ADAM12: variants seen among roughly 807,000 people sequenced by gnomAD.
ADAM12 encodes disintegrin and metalloproteinase domain-containing protein 12.
ADAM12 carries 70 observed loss-of-function variants against 106.4 expected under a neutral mutation model. The observed-to-expected ratio is 0.66, with a 90% CI of 0.54 to 0.80. The LOEUF is 0.80. Among genes scored for constraint, ADAM12 ranks in the 30% least tolerant of loss-of-function variants. The probability of loss-of-function intolerance (pLI) is 0.00; values close to 1 mark genes in which losing one functional copy is unlikely to be tolerated. For missense variants in ADAM12, 1,010 were observed against 1,171.9 expected, an observed-to-expected ratio of 0.86 and a Z score of 2.02; for synonymous variants, 420 against 433.5, an observed-to-expected ratio of 0.97 and a Z score of 0.39.
At chr10:126,095,673 A>G (rs563325799) in intron 10 of ADAM12, among the ~76,000 whole-genome samples, 66 of 152,092 alleles carry the variant, frequency 4.3e-4, no homozygotes, top group African/African-American at 1.5e-3. Flanking sequence ...TATAAGAAGA[A>G]GAGGGACCTG....
At chr10:126,024,779 A>G (rs1348150136) in intron 21 of ADAM12, among the ~76,000 whole-genome samples, 2 of 152,128 alleles carry the variant, frequency 1.3e-5, no homozygotes, top group African/African-American at 4.8e-5. Context: ...CTAGGTGGTC[A>G]TCTAGAAAAA....
intron 14 of ADAM12, among the ~76,000 whole-genome samples, chr10:126,062,564 A>G (rs1285298244): frequency 2.0e-5 from 3 of 152,160 alleles, no homozygotes; most frequent in East Asian, 1.9e-4. Flanking sequence ...TCAGGCAGCT[A>G]CAGAAGGACT....
chr10:126,063,126 G>T (rs375504910), intron 14 of ADAM12, among the ~76,000 whole-genome samples: 9 of 152,310 alleles, frequency 5.9e-5, no homozygotes, highest in African/African-American at 2.2e-4. Flanking sequence ...GGCTGCTCAG[G>T]GTCCAAGGAT....
chr10:126,082,678 T>C (rs1287359108), intron 11 of ADAM12, among the ~76,000 whole-genome samples: 3 of 152,170 alleles, frequency 2.0e-5, no homozygotes, highest in Non-Finnish European at 4.4e-5. Flanking sequence ...CCACAACTTT[T>C]ATCATTCATT....
chr10:126,200,210 G>A (rs1464249513), intron 3 of ADAM12, among the ~76,000 whole-genome samples: 2 of 152,166 alleles, frequency 1.3e-5, no homozygotes, highest in African/African-American at 2.4e-5. Flanking sequence ...GGGACTGGAT[G>A]GTCTGAGGGC....
chr10:126,200,715 T>A (rs758062176), intron 3 of ADAM12, among the ~76,000 whole-genome samples: 12 of 152,334 alleles, frequency 7.9e-5, no homozygotes, highest in Middle Eastern at 3.4e-3. Flanking sequence ...AAGCACCAGA[T>A]GAGAAGCTCT....
In ADAM12 at chr10:126,158,350, ATGAGGGATG is replaced by A. The variant is rs1565102405; in HGVS notation, c.261-3054_261-3046del. Among the ~76,000 whole-genome samples the A allele has an allele frequency of 2.6e-3, 380 of 146,362 alleles. 1 individual carries two copies. Among genetic ancestry groups the A allele is most frequent in the South Asian group, 3.6e-3 (16 of 4,406 alleles). On this transcript the variant is annotated intron_variant, in intron 3 of 22. Coordinates refer to ENST00000448723, the MANE Select transcript of ADAM12 (RefSeq NM_001288973.2). ...GCATGGAGGGGAGGATGCACAGAGCATGAGGGATGCACAGAGCATGGGAAGATGCACAGA... is the reference window on the plus strand; with the variant it reads ...GCATGGAGGGGAGGATGCACAGAGCACACAGAGCATGGGAAGATGCACAGA...
In ADAM12 at chr10:126,091,238, CAT is replaced by C. The variant is rs758041001; in HGVS notation, c.1145+2745_1145+2746del. Among the ~76,000 whole-genome samples the C allele has an allele frequency of 1.6e-4, 24 of 152,350 alleles. 1 individual carries two copies. The highest frequency in any genetic ancestry group is 1.0e-3 in the Admixed American group (16 of 15,298). ...TGTGGAATGATTTACAATTTACAGACATGTGATCTCATTGAGTCCATTCTCCC... is the reference window on the plus strand; with the variant it reads ...TGTGGAATGATTTACAATTTACAGACGTGATCTCATTGAGTCCATTCTCCC... On this transcript the variant is annotated intron_variant, in intron 11 of 22. Transcript: ENST00000448723.
intron 6 of ADAM12, among the ~76,000 whole-genome samples, chr10:126,114,635 A>G (rs1035520773): frequency 6.6e-6 from 1 of 152,112 alleles, no homozygotes; most frequent in African/African-American, 2.4e-5. Flanking sequence ...GCCTGCCACT[A>G]CGCCCTGCTA....
intron 2 of ADAM12, among the ~76,000 whole-genome samples, chr10:126,287,776 G>T (rs1435947293): frequency 6.6e-6 from 1 of 151,996 alleles, no homozygotes; most frequent in Admixed American, 6.6e-5. Flanking sequence ...GGGGTTGTTG[G>T]TTCTCACACA....
intron 1 of ADAM12, among the ~76,000 whole-genome samples, chr10:126,371,523 A>C (rs187305725): frequency 4.6e-5 from 7 of 152,330 alleles, no homozygotes; most frequent in Admixed American, 4.6e-4. Context: ...TAAATTGGGA[A>C]AACACCACCA....
intron 1 of ADAM12, among the ~76,000 whole-genome samples, chr10:126,354,048 T>TTTA (rs397795200): frequency 6.6e-6 from 1 of 150,602 alleles, no homozygotes; most frequent in African/African-American, 2.4e-5. Context: ...TTTTTTTTTT[T>TTTA]AAAGAAAAAG....
chr10:126,284,298 A>T (rs1261354504), intron 2 of ADAM12, among the ~76,000 whole-genome samples: 1 of 134,484 alleles, frequency 7.4e-6, no homozygotes, highest in South Asian at 2.4e-4. Flanking sequence ...ACGTCACTGC[A>T]CTCCAGCCTG....
intron 1 of ADAM12, among the ~76,000 whole-genome samples, chr10:126,351,333 A>T (rs1185670263): frequency 6.6e-6 from 1 of 152,104 alleles, no homozygotes; most frequent in Non-Finnish European, 1.5e-5. Flanking sequence ...TATCCAAATC[A>T]AGAGGGTTCC....
chr10:126,312,200 T>C (rs551693954), intron 2 of ADAM12, among the ~76,000 whole-genome samples: 61 of 151,418 alleles, frequency 4.0e-4, no homozygotes, highest in Non-Finnish European at 6.9e-4. Flanking sequence ...AGACCACGGT[T>C]TGCATTTTCT....
intron 3 of ADAM12, among the ~76,000 whole-genome samples, chr10:126,262,864 G>A (rs879280465): frequency 6.6e-6 from 1 of 152,152 alleles, no homozygotes; most frequent in Non-Finnish European, 1.5e-5. Context: ...CCACAGGTGG[G>A]GTACTCCATG....
chr10:126,207,378 T>C (rs376266884), intron 3 of ADAM12, among the ~76,000 whole-genome samples: 1 of 152,246 alleles, frequency 6.6e-6, no homozygotes, highest in East Asian at 1.9e-4. Flanking sequence ...TCTTTTCTTA[T>C]AATCTTAGCT....
At chr10:126,231,187 A>G (rs778193124) in intron 3 of ADAM12, among the ~76,000 whole-genome samples, 3 of 152,188 alleles carry the variant, frequency 2.0e-5, no homozygotes, top group Non-Finnish European at 4.4e-5. Context: ...TCTTCAATCT[A>G]CTAGAGGCCG....
intron 3 of ADAM12, among the ~76,000 whole-genome samples, chr10:126,245,462 G>A (rs1958610582): frequency 6.6e-6 from 1 of 152,212 alleles, no homozygotes; most frequent in Admixed American, 6.5e-5. Flanking sequence ...CCCAGTTGGA[G>A]AGGATGGCTT....
Sources: allele counts gnomAD v4.1 joint callset (sites outside exome capture counted in the v4.1 genomes callset), GRCh38; gene constraint gnomAD v4.1.1; transcripts MANE v1.5; gene names NCBI Gene and HGNC (gene_info 2026-07-23, HGNC 2026-07-21).